LMO3: variants seen among roughly 807,000 people sequenced by gnomAD.
LMO3 encodes the protein LIM domain only protein 3.
A neutral mutation model predicts 15.8 loss-of-function variants in LMO3; 2 were observed. The observed-to-expected ratio is 0.13, with a 90% confidence interval of 0.05 to 0.40. The LOEUF is 0.40. Among genes scored for constraint, LMO3 ranks in the 10% least tolerant of loss-of-function variants. LMO3 has a pLI of 0.99. For synonymous variants in LMO3, 62 were observed against 63.8 expected (o/e 0.97, Z 0.13); for missense variants, 86 against 182.2 (o/e 0.47, Z 3.04).
In LMO3 at chr12:16,585,637, C is replaced by T. The variant is rs1371691064; in HGVS notation, c.206+15018G>A. ...CCTGTATTTTCTTTCCGTTGAAGTC[C>T]ACCCATTCCAATTATTTAAGTGATT... On this transcript the variant is annotated intron_variant, in intron 2 of 3. Transcript: ENST00000537304. This position sits in a 1 kb window ranked among gnomAD's most constrained non-coding sequence, Gnocchi z 4.7. Among the ~76,000 whole-genome samples the T allele has an allele frequency of 6.6e-6, 1 of 152,120 alleles. No homozygotes were observed. Among genetic ancestry groups the T allele is most frequent in the Non-Finnish European group, 1.5e-5 (1 of 68,020 alleles).
intron 2 of LMO3, among the ~76,000 whole-genome samples, chr12:16,567,755 G>A (rs948496335): frequency 3.3e-5 from 5 of 152,066 alleles, no homozygotes; most frequent in Non-Finnish European, 5.9e-5. Flanking sequence ...TGTTTGGTAA[G>A]TTGGTATTTT....
chr12:16,608,200 A>G (rs1163093271), upstream of LMO3: 1 of 141,060 alleles, frequency 7.1e-6, no homozygotes, highest in Admixed American at 7.0e-5. This position sits in a 1 kb window ranked among gnomAD's most constrained non-coding sequence, Gnocchi z 4.1. Flanking sequence ...GTCTCAGCCA[A>G]TGCACTGAGA....
intron 2 of LMO3, among the ~76,000 whole-genome samples, chr12:16,579,382 T>C (rs569888646): frequency 1.3e-5 from 2 of 152,354 alleles, no homozygotes; most frequent in African/African-American, 2.4e-5. Flanking sequence ...ATGTGCCTGA[T>C]GCCACTGATG....
chr12:16,604,756 T>C lies in LMO3; in HGVS notation c.-9+1310A>G. The C allele has an allele frequency of 2.5e-6, 3 of 1,193,218 alleles. No homozygotes were observed. The Admixed American group carries it at 5.3e-5, about 21-fold the overall frequency. The allele number at this position is 1,193,218 out of a possible 1,614,324, so 73.9% of individuals were successfully genotyped here. ...TTCAAAGCAGTTACAACAATAATAT[T>C]TCGGTTCTTTCAGAAAGACACAAAA... On this transcript the variant is annotated intron_variant, in intron 1 of 3. Coordinates refer to ENST00000537304, the MANE Select transcript of LMO3 (RefSeq NM_018640.5). This position sits in a 1 kb window ranked among gnomAD's most constrained non-coding sequence, Gnocchi z 5.3.
At position 16,584,043 on chromosome 12, in the gene LMO3, G is replaced by T. The variant is rs941836298; in HGVS notation, c.206+16612C>A. On this transcript the variant is annotated intron_variant, in intron 2 of 3. Transcript: ENST00000537304. This position sits in a 1 kb window ranked among gnomAD's most constrained non-coding sequence, Gnocchi z 5.2. ...ACTGTATATAATTCTGGGATGGCAG[G>T]CTGATGTTCAGTAGGGTCAAGGAGG... Among the ~76,000 whole-genome samples, 1 of 152,158 alleles carries T rather than the reference G, an allele frequency of 6.6e-6. No homozygotes were observed. The highest frequency in any genetic ancestry group is 2.4e-5 in the African/African-American group (1 of 41,434).
At chr12:16,579,033 T>C (rs1428708394) in intron 2 of LMO3, among the ~76,000 whole-genome samples, 1 of 152,292 alleles carries the variant, frequency 6.6e-6, no homozygotes, top group African/African-American at 2.4e-5. Context: ...GACTGTATCA[T>C]TGCAAATAGG....
At position 16,560,605 on chromosome 12, in the gene LMO3, A is replaced by G; in HGVS notation, c.207-67T>C. 1 of 1,411,940 alleles carries G rather than the reference A, an allele frequency of 7.1e-7. No individual in the cohort carries two copies. Among genetic ancestry groups the G allele is most frequent in the Non-Finnish European group, 9.9e-7 (1 of 1,012,778 alleles). The allele number at this position is 1,411,940 out of a possible 1,614,324, so 87.5% of individuals were successfully genotyped here. A position where few individuals can be genotyped will look rare whatever the true frequency, so the allele number is the denominator to read the frequency against. On this transcript the variant is annotated intron_variant, in intron 2 of 3. Transcript: ENST00000537304. This position sits in a 1 kb window ranked among gnomAD's most constrained non-coding sequence, Gnocchi z 5.0. ...GAGAAATCTGAGATCGTGAAGAGAG[A>G]TGATGTTAATATACTCTGTAAAGCT...
chr12:16,583,255 G>T (rs761505732), intron 2 of LMO3, among the ~76,000 whole-genome samples: 1 of 152,004 alleles, frequency 6.6e-6, no homozygotes, highest in Admixed American at 6.6e-5. Context: ...ATCACAAGTG[G>T]GTAAGGAGTG....
At chr12:16,574,700 C>T (rs1323333710) in intron 2 of LMO3, among the ~76,000 whole-genome samples, 1 of 152,146 alleles carries the variant, frequency 6.6e-6, no homozygotes, top group African/African-American at 2.4e-5. Flanking sequence ...AGAAAAATGG[C>T]TTGTTTCCAA....
rs1941960938 is a variant in LMO3, at chr12:16,550,831, G to A, written c.*391C>T. 1 of 160,886 alleles carries A rather than the reference G, an allele frequency of 6.2e-6. No individual in the cohort carries two copies. Among genetic ancestry groups the A allele is most frequent in the South Asian group, 1.9e-4 (1 of 5,368 alleles). The allele number at this position is 160,886 out of a possible 1,614,324, so 10.0% of individuals were successfully genotyped here. On this transcript the variant is annotated 3_prime_UTR_variant, in exon 4 of 4. Transcript: ENST00000537304. The stretch of plus-strand genomic sequence containing the variant: ...TAAATATACAGTAAGTTTAAACACT[G>A]ATTGTACTAAATGCAACAATACAAA...
chr12:16,605,783 C>T, intron 1 of LMO3: 4 of 1,535,594 alleles, frequency 2.6e-6, no homozygotes, highest in Non-Finnish European at 3.5e-6. Context: ...ACGTTCCGCG[C>T]CGCAGCCGCT....
chr12:16,566,653 A>G (rs1405243285), intron 2 of LMO3, among the ~76,000 whole-genome samples: 1 of 152,314 alleles, frequency 6.6e-6, no homozygotes, highest in East Asian at 1.9e-4. Context: ...AATTAAATCT[A>G]TATTAACTCT....
rs2137572770 is a variant in LMO3, at chr12:16,585,428, A to G, written c.206+15227T>C. Among the ~76,000 whole-genome samples, 2 of 152,354 alleles carry G rather than the reference A, an allele frequency of 1.3e-5. No individual in the cohort carries two copies. Among genetic ancestry groups the G allele is most frequent in the Middle Eastern group, 3.4e-3 (1 of 294 alleles). ...TATATTAAAGGTTATTTTTGCTACC[A>G]TCTTCATCCTACACAGTGAGCATAA... On this transcript the variant is annotated intron_variant, in intron 2 of 3. Coordinates refer to ENST00000537304, the MANE Select transcript of LMO3 (RefSeq NM_018640.5). The surrounding 1 kb of genome is among the most constrained non-coding windows in gnomAD (Gnocchi z 4.7).
rs569152997 is a variant in LMO3 at position 16,586,665 on chromosome 12, G to A, written c.206+13990C>T. Among the ~76,000 whole-genome samples, 11 of 152,280 alleles carry A rather than the reference G, an allele frequency of 7.2e-5. No individual in the cohort carries two copies. The highest frequency in any genetic ancestry group is 2.2e-4 in the African/African-American group (9 of 41,566). Reference sequence around the variant, plus strand: ...TAGGATGTGGCAATAAGGCTATACCGTCGGGGTAGAGATTTCAAGATACAC... The same window carrying A: ...TAGGATGTGGCAATAAGGCTATACCATCGGGGTAGAGATTTCAAGATACAC... On this transcript the variant is annotated intron_variant, in intron 2 of 3. Transcript: ENST00000537304. This position sits in a 1 kb window ranked among gnomAD's most constrained non-coding sequence, Gnocchi z 4.3.
At position 16,585,635 on chromosome 12, in the gene LMO3, T is replaced by TC; in HGVS notation, c.206+15019dup. On this transcript the variant is annotated intron_variant, in intron 2 of 3. Coordinates refer to ENST00000537304, the MANE Select transcript of LMO3 (RefSeq NM_018640.5). The surrounding 1 kb of genome is among the most constrained non-coding windows in gnomAD (Gnocchi z 4.7). Reference sequence around the variant, plus strand: ...CACCTGTATTTTCTTTCCGTTGAAGTCCACCCATTCCAATTATTTAAGTGA... The same window carrying TC: ...CACCTGTATTTTCTTTCCGTTGAAGTCCCACCCATTCCAATTATTTAAGTGA... Among the ~76,000 whole-genome samples, 1 of 152,288 alleles carries TC rather than the reference T, an allele frequency of 6.6e-6. No homozygotes were observed. Among genetic ancestry groups the TC allele is most frequent in the African/African-American group, 2.4e-5 (1 of 41,562 alleles).
rs1339436607 is a variant in LMO3, at chr12:16,550,669, G to C, written c.*553C>G. 1 of 152,476 alleles carries C rather than the reference G, an allele frequency of 6.6e-6. No homozygotes were observed. Among genetic ancestry groups the C allele is most frequent in the Non-Finnish European group, 1.5e-5 (1 of 68,042 alleles). 9.4% of individuals were successfully genotyped at this position (152,476 alleles called of 1,614,324 possible). A position where few individuals can be genotyped will look rare whatever the true frequency, so the allele number is the denominator to read the frequency against. ...AGTGGATGTCACTAAAATGCTCTGT[G>C]TGTGTCTTTATTTTTTAGTATTTTT... On this transcript the variant is annotated 3_prime_UTR_variant, in exon 4 of 4. Transcript: ENST00000537304.
intron 2 of LMO3, among the ~76,000 whole-genome samples, chr12:16,569,727 CTATT>C (rs1175785213): frequency 6.6e-6 from 1 of 151,980 alleles, no homozygotes; most frequent in East Asian, 1.9e-4. Flanking sequence ...GTCAAGCTTG[CTATT>C]TATTGTTTTG....
chr12:16,609,233 A>C (rs2137764176), upstream of LMO3: 1 of 152,282 alleles, frequency 6.6e-6, no homozygotes, highest in Non-Finnish European at 1.5e-5. Context: ...GTGGAATTTA[A>C]TCATCTTCTG....
At chr12:16,605,159 A>T (rs1196709437) in intron 1 of LMO3, 18 of 1,386,044 alleles carry the variant, frequency 1.3e-5, no homozygotes, top group Non-Finnish European at 1.5e-5. Context: ...ACAAAGCCAC[A>T]TGCTTCCCTA....
Sources: allele counts gnomAD v4.1 joint callset (sites outside exome capture counted in the v4.1 genomes callset), GRCh38; gene constraint gnomAD v4.1.1; non-coding constraint Gnocchi (gnomAD v3.1); transcripts MANE v1.5; gene names NCBI Gene and HGNC (gene_info 2026-07-23, HGNC 2026-07-21).